DAB1: variants seen among roughly 807,000 people sequenced by gnomAD.
DAB1 encodes the protein disabled homolog 1.
DAB1 carries 15 observed loss-of-function variants against 64.6 expected under a neutral mutation model. The observed-to-expected ratio is 0.23, with a 90% CI of 0.16 to 0.36. DAB1 has a LOEUF of 0.36. DAB1 is among the 10% of genes least tolerant of loss of function. The pLI is 1.00. For missense variants in DAB1, 596 were observed against 706.7 expected (o/e 0.84, Z 1.78); for synonymous variants, 235 against 251.9 (o/e 0.93, Z 0.64).
chr1:58,233,921 C>T (rs1246295416), intron 4 of DAB1, among the ~76,000 whole-genome samples: 1 of 152,176 alleles, frequency 6.6e-6, no homozygotes, highest in Non-Finnish European at 1.5e-5. Flanking sequence ...TATTCCAGAA[C>T]GGCAAGCTAT....
intron 1 of DAB1, among the ~76,000 whole-genome samples, chr1:57,349,775 T>A (rs1570342609): frequency 6.6e-6 from 1 of 152,184 alleles, no homozygotes; most frequent in East Asian, 1.9e-4. Context: ...AAAATAAAGA[T>A]CCGGACAGAA....
intron 5 of DAB1, among the ~76,000 whole-genome samples, chr1:57,924,875 A>G (rs564896933): frequency 6.6e-6 from 1 of 152,162 alleles, no homozygotes; most frequent in East Asian, 1.9e-4. Flanking sequence ...AAAAGTTAAC[A>G]AAGTACATAT....
chr1:57,852,817 A>G (rs1264534611), intron 1 of DAB1, among the ~76,000 whole-genome samples: 1 of 152,008 alleles, frequency 6.6e-6, no homozygotes, highest in African/African-American at 2.4e-5. Flanking sequence ...CTATCATTCT[A>G]TCTCCCTCCT....
At chr1:58,004,107 C>T (rs1199870792) in intron 5 of DAB1, among the ~76,000 whole-genome samples, 1 of 152,160 alleles carries the variant, frequency 6.6e-6, no homozygotes, top group South Asian at 2.1e-4. Flanking sequence ...GAGAAATAGG[C>T]AGAGGTGACC....
chr1:57,029,115 T>G (rs1195152852), intron 9 of DAB1, among the ~76,000 whole-genome samples: 2 of 152,098 alleles, frequency 1.3e-5, no homozygotes, highest in African/African-American at 4.8e-5. Context: ...GGGCCCAGGG[T>G]TCCTGTGCTG....
intron 1 of DAB1, among the ~76,000 whole-genome samples, chr1:57,368,508 G>A (rs773191632): frequency 7.2e-5 from 11 of 152,156 alleles, no homozygotes; most frequent in Non-Finnish European, 1.3e-4. Flanking sequence ...CAGACTTCTG[G>A]ATGACCAGCT....
intron 4 of DAB1, among the ~76,000 whole-genome samples, chr1:57,103,647 G>T (rs1490703143): frequency 6.6e-6 from 1 of 152,088 alleles, no homozygotes; most frequent in Non-Finnish European, 1.5e-5. Context: ...GCAGACAGGT[G>T]CTTGGCCCCC....
chr1:58,370,323 A>G (rs548951475), intron 3 of DAB1, among the ~76,000 whole-genome samples: 3 of 152,042 alleles, frequency 2.0e-5, no homozygotes, highest in Admixed American at 6.6e-5. Flanking sequence ...GCAGTATTTA[A>G]ATAAAACTTT....
intron 1 of DAB1, among the ~76,000 whole-genome samples, chr1:57,398,473 G>C (rs1054179399): frequency 1.3e-5 from 2 of 152,138 alleles, no homozygotes. Context: ...TGATGCCAGA[G>C]ACTTAATTGT....
exon 2 of DAB1, chr1:57,826,155 G>C (rs1473410428): frequency 6.6e-6 from 1 of 152,228 alleles, no homozygotes; most frequent in Non-Finnish European, 1.5e-5. Flanking sequence ...ACTATCCGTA[G>C]GTTAGTGCCA....
In DAB1 at chr1:58,338,969, T is replaced by C. The variant is rs540563943; in HGVS notation, n.309+4383A>G. 2.6e-5 allele frequency among the ~76,000 whole-genome samples: 4 copies of C among 152,288 alleles called. No individual in the cohort carries two copies. The East Asian group carries it at 7.7e-4, about 29-fold the overall frequency. On this transcript the variant is annotated intron_variant and non_coding_transcript_variant, in intron 4 of 20. Coordinates refer to the DAB1 transcript ENST00000485760. ...TATCCAGAATAGGTAAATCTATAGA[T>C]ACGGAAAGTGAATTGATGGCTGTCA... is the stretch of plus-strand genomic sequence containing the variant.
intron 7 of DAB1, among the ~76,000 whole-genome samples, chr1:57,521,364 G>A (rs951970303): frequency 8.5e-5 from 13 of 152,176 alleles, no homozygotes; most frequent in African/African-American, 3.1e-4. Flanking sequence ...AAAAGAGGGA[G>A]GCAGATAATC....
In DAB1 at chr1:57,126,091, T is replaced by C. The variant is rs909050212; in HGVS notation, c.306+10452A>G. 1.3e-4 allele frequency among the ~76,000 whole-genome samples: 20 copies of C among 152,144 alleles called. 1 individual carries two copies. The highest frequency in any genetic ancestry group is 1.1e-3 in the Admixed American group (17 of 15,272). On this transcript the variant is annotated intron_variant, in intron 4 of 14. Transcript: ENST00000371236. ...TGTTTAAAATTCTCCCCATCTTTCA[T>C]ATCGCAAATAGAAGAGCATGCAGAG...
intron 1 of DAB1, chr1:58,534,412 CT>C (rs751991847): frequency 2.3e-5 from 15 of 644,690 alleles, no homozygotes; most frequent in Non-Finnish European, 3.7e-5. Context: ...TATATGGCTA[CT>C]TATTATTGAA....
chr1:57,836,715 G>T (rs1166586918), intron 1 of DAB1, among the ~76,000 whole-genome samples: 1 of 152,182 alleles, frequency 6.6e-6, no homozygotes, highest in African/African-American at 2.4e-5. Flanking sequence ...CACAGCAAGG[G>T]TTATTGCCAC....
At chr1:57,168,563 C>T (rs145193052) in intron 2 of DAB1, among the ~76,000 whole-genome samples, 5 of 152,302 alleles carry the variant, frequency 3.3e-5, no homozygotes, top group African/African-American at 9.6e-5. Flanking sequence ...TGCCAGGTCA[C>T]CTCTGTACCT....
rs139999399 is a variant in DAB1, at chr1:57,758,587, G to A, written n.552-108922C>T. Among the ~76,000 whole-genome samples the A allele has an allele frequency of 3.8e-3, 577 of 152,242 alleles. 3 individuals carry two copies. The highest frequency in any genetic ancestry group is 0.013 in the African/African-American group (553 of 41,530). On this transcript the variant is annotated intron_variant and non_coding_transcript_variant, in intron 6 of 20. Transcript: ENST00000485760. ...GGATTGGAGGAGGGAGGGAGCAAAG[G>A]ACAGGTGGTATATGAAGTCCAGTGG...
chr1:57,807,237 C>T (rs1306421714), intron 6 of DAB1, among the ~76,000 whole-genome samples: 2 of 152,158 alleles, frequency 1.3e-5, no homozygotes, highest in East Asian at 1.9e-4. Context: ...TTACTCTGCC[C>T]CTGTAGACCT....
chr1:57,558,847 T>C (rs1332274787), intron 7 of DAB1, among the ~76,000 whole-genome samples: 1 of 151,834 alleles, frequency 6.6e-6, no homozygotes, highest in African/African-American at 2.4e-5. Flanking sequence ...GATGGTGGAG[T>C]GGATTAGTCA....
Sources: allele counts gnomAD v4.1 joint callset (sites outside exome capture counted in the v4.1 genomes callset), GRCh38; gene constraint gnomAD v4.1.1; transcripts MANE v1.5; gene names NCBI Gene and HGNC (gene_info 2026-07-23, HGNC 2026-07-21).